The following DYSF variants were observed in gnomAD, a reference collection of about 807,000 sequenced individuals.
The protein encoded by DYSF is dystrophy-associated fer-1-like 1.
In DYSF, 212 loss-of-function variants were observed where a neutral mutation model predicts 274.9. That is an observed-to-expected ratio of 0.77 (90% CI 0.69 to 0.86). The LOEUF (loss-of-function observed/expected upper bound fraction) is 0.86. Ranked by LOEUF, DYSF falls within the 40% of genes least tolerant of loss-of-function variation. The probability of loss-of-function intolerance (pLI) is 0.00; values close to 1 mark genes in which losing one functional copy is unlikely to be tolerated. For synonymous variants in DYSF, 1,091 were observed against 1,078.7 expected (o/e 1.01, Z -0.22); for missense variants, 2,666 against 2,783.2 (o/e 0.96, Z 0.95).
chr2:71,570,774 C>T, intron 29 of DYSF, 33 bp downstream of exon 29: 1 of 1,612,312 alleles, frequency 6.2e-7, no homozygotes, highest in Non-Finnish European at 8.5e-7. Flanking sequence ...GGAGTGAGGC[C>T]TGTGGTCACA....
chr2:71,567,834 C>A, intron 24 of DYSF, 117 bp from the exon 25 acceptor site: 1 of 1,469,098 alleles, frequency 6.8e-7, no homozygotes, highest in Non-Finnish European at 9.3e-7. Flanking sequence ...GGGACACTCC[C>A]AGTGAGGGTG....
Position 71,503,197 on chromosome 2 carries a change from C to T in DYSF, c.240-17C>T. The T allele has an allele frequency of 6.2e-7, 1 of 1,612,584 alleles. No individual in the cohort carries two copies. Among genetic ancestry groups the T allele is most frequent in the Non-Finnish European group, 8.5e-7 (1 of 1,178,688 alleles). On this transcript the variant is annotated splice_polypyrimidine_tract_variant and intron_variant, in intron 3 of 55. Coordinates refer to ENST00000410020, the MANE Select transcript of DYSF (RefSeq NM_001130987.2). The stretch of plus-strand genomic sequence containing the variant: ...CCTTAGGCTAGTTTTCTACATTTGA[C>T]TTCTCTCTCCTCTCAGGTTCCTGGG...
At chr2:71,589,173 C>T (rs987513330) in intron 30 of DYSF, among the ~76,000 whole-genome samples, 3 of 152,058 alleles carry the variant, frequency 2.0e-5, no homozygotes, top group Admixed American at 6.5e-5. Flanking sequence ...GGACCCAGCT[C>T]GATGTTAGCA....
intron 33 of DYSF, among the ~76,000 whole-genome samples, chr2:71,599,934 AG>A (rs945490960): frequency 1.2e-4 from 19 of 152,264 alleles, no homozygotes; most frequent in Admixed American, 4.6e-4. Context: ...TACCATGGGA[AG>A]GAATGAGCAA....
intron 51 of DYSF, among the ~76,000 whole-genome samples, 175 bp downstream of exon 51, chr2:71,669,921 TG>T (rs1420824714): frequency 6.6e-6 from 1 of 152,180 alleles, no homozygotes; most frequent in Non-Finnish European, 1.5e-5. Context: ...GCACTGCCAG[TG>T]TCACCACCAC....
chr2:71,608,701 C>T (rs1387663521), intron 36 of DYSF, among the ~76,000 whole-genome samples: 1 of 151,996 alleles, frequency 6.6e-6, no homozygotes, highest in Admixed American at 6.5e-5. Context: ...TGGTCCCCAG[C>T]CTTTAGAGAG....
At chr2:71,466,274 G>C (rs1043625057), upstream of DYSF, among the ~76,000 whole-genome samples, 2 of 152,216 alleles carry the variant, frequency 1.3e-5, no homozygotes, top group African/African-American at 4.8e-5. Context: ...ACTCAGACTT[G>C]GTTTCCCCGA....
At chr2:71,521,635 G>C (rs1028474675) in intron 12 of DYSF, among the ~76,000 whole-genome samples, 1 of 152,140 alleles carries the variant, frequency 6.6e-6, no homozygotes, top group Non-Finnish European at 1.5e-5. Flanking sequence ...TTTGTGCAGG[G>C]AGGGAGAGGA....
intron 1 of DYSF, among the ~76,000 whole-genome samples, chr2:71,474,986 C>G (rs1175093708): frequency 6.6e-6 from 1 of 152,126 alleles, no homozygotes; most frequent in Non-Finnish European, 1.5e-5. Context: ...CCCTCAGAAC[C>G]CTGTGCAGCA....
rs1392468129 is a variant in DYSF at position 71,537,219 on chromosome 2, TTTTG to T, written c.1493+1912_1493+1915del. 8.0e-3 allele frequency among the ~76,000 whole-genome samples: 799 copies of T among 100,348 alleles called. 30 individuals carry two copies. Among genetic ancestry groups the T allele is most frequent in the African/African-American group, 0.031 (620 of 19,848 alleles). The allele number at this position is 100,348 out of a possible 152,430, so 65.8% of individuals were successfully genotyped here. A position where few individuals can be genotyped will look rare whatever the true frequency, so the allele number is the denominator to read the frequency against. ...ATTGCAGGAAATTTTTACTTTCTAG[TTTTG>T]TTTTTTTTTTTTTTTTTTTTTTTGC... On this transcript the variant is annotated intron_variant, in intron 16 of 55. Transcript: ENST00000410020.
In DYSF at chr2:71,574,214, C is replaced by T. The variant is rs200637035; in HGVS notation, c.3245C>T (p.Ala1082Val). The T allele has an allele frequency of 5.0e-6, 8 of 1,613,420 alleles. No individual in the cohort carries two copies. The highest frequency in any genetic ancestry group is 4.5e-5 in the East Asian group (2 of 44,880). Reference protein sequence around the residue: ...EALKRHRQAEAEGEGWEYASL... With the variant: ...EALKRHRQAEVEGEGWEYASL... ...CTTGTGCAGCACAGGCAGGCGGAGG[C>T]GGAGGGCGAGGGCTGGGAGTACGCC... Residue 1082 changes from alanine to valine, a missense_variant, in exon 30 of 56, where the codon GCG (alanine) becomes GTG (valine). By Grantham distance (64) the Ala-to-Val change is moderately conservative (BLOSUM62 0). Around this residue, in one of 3 missense-constraint regions of DYSF, gnomAD observed 1,460 missense variants for 1,502.1 expected, o/e 0.97. Coordinates refer to ENST00000410020, the MANE Select transcript of DYSF (RefSeq NM_001130987.2).
intron 30 of DYSF, among the ~76,000 whole-genome samples, chr2:71,575,357 C>T (rs2092667518): frequency 6.6e-6 from 1 of 152,130 alleles, no homozygotes; most frequent in Non-Finnish European, 1.5e-5. Flanking sequence ...TCTCTGGGGG[C>T]CTGAGGACGT....
At chr2:71,675,558 G>C (rs767110637) in intron 52 of DYSF, among the ~76,000 whole-genome samples, 1 of 152,310 alleles carries the variant, frequency 6.6e-6, no homozygotes, top group Non-Finnish European at 1.5e-5. Context: ...CTGTTCCCCC[G>C]CCCTGCGCAC....
intron 3 of DYSF, among the ~76,000 whole-genome samples, chr2:71,500,736 C>G (rs1331645266): frequency 1.3e-5 from 2 of 152,060 alleles, no homozygotes; most frequent in Admixed American, 6.5e-5. Context: ...TAAGCTGGAG[C>G]TCCAGCTGCC....
intron 3 of DYSF, among the ~76,000 whole-genome samples, chr2:71,501,997 G>A (rs775123971): frequency 4.6e-5 from 7 of 151,752 alleles, no homozygotes; most frequent in Admixed American, 1.3e-4. Context: ...TGGCTGCACC[G>A]TTTACGTCCC....
At chr2:71,670,946 C>T (rs1431373214) in intron 51 of DYSF, among the ~76,000 whole-genome samples, 2 of 152,142 alleles carry the variant, frequency 1.3e-5, no homozygotes, top group African/African-American at 2.4e-5. Flanking sequence ...TCTGCTGGCC[C>T]GATTTCCTTC....
At chr2:71,575,274 G>T (rs1278036970) in intron 30 of DYSF, among the ~76,000 whole-genome samples, 1 of 152,166 alleles carries the variant, frequency 6.6e-6, no homozygotes, top group East Asian at 1.9e-4. Context: ...GAGTGGGTGG[G>T]CTGGGGAGGC....
chr2:71,537,236 T>TTTTTG (rs2089462898), intron 16 of DYSF, among the ~76,000 whole-genome samples: 1 of 144,538 alleles, frequency 6.9e-6, no homozygotes, highest in African/African-American at 2.6e-5. Context: ...TTTTTTTTTT[T>TTTTTG]TTTTTTTTTT....
At chr2:71,612,164 C>A (rs1361989975) in intron 38 of DYSF, among the ~76,000 whole-genome samples, 1 of 152,218 alleles carries the variant, frequency 6.6e-6, no homozygotes, top group African/African-American at 2.4e-5. Flanking sequence ...TGGCTGTCAA[C>A]AGAAGCCTCC....
Sources: gnomAD v4.1 joint callset for allele counts (sites outside exome capture counted in the v4.1 genomes callset) on GRCh38, gnomAD v4.1.1 for gene constraint, gnomAD v4.1.1 regional missense constraint, MANE v1.5 for transcripts, NCBI Gene and HGNC (gene_info 2026-07-23, HGNC 2026-07-21) for gene names.